Variants in APC2 observed in about 807,000 individuals in gnomAD.
The protein encoded by APC2 is APC regulator of Wnt signaling pathway 2, also known as adenomatous polyposis coli protein 2.
Under a neutral mutation model 72.5 loss-of-function variants are expected in APC2, and 41 were observed. The ratio of observed to expected loss-of-function variants is 0.57; its 90% confidence interval spans 0.44 to 0.73. The LOEUF (loss-of-function observed/expected upper bound fraction) is 0.73, where lower values mean the gene tolerates loss of function less well. APC2 is among the 30% of genes least tolerant of loss of function. APC2 has a pLI of 0.00. For missense variants in APC2, 3,729 were observed against 3,403.4 expected (o/e 1.10, Z -2.38); for synonymous variants, 1,898 against 1,612.0 (o/e 1.18, Z -4.25).
In APC2 at chr19:1,466,664, G is replaced by A. The variant is rs889696469; in HGVS notation, c.3363G>A (p.Ser1121=). ...DSTWRAPGAT[S]LPVAIPAPRR... ...CGTGGCGGGCGCCCGGGGCCACCTC[G>A]CTGCCCGTAGCCATTCCGGCTCCCC... is the stretch of plus-strand genomic sequence containing the variant. Residue 1121 remains serine (S), a synonymous_variant, in exon 15 of 15, where the codon TCG becomes TCA. Transcript: ENST00000590469. 6.0e-6 allele frequency: 9 copies of A among 1,497,290 alleles called. No homozygotes were observed. Among genetic ancestry groups the A allele is most frequent in the African/African-American group, 1.4e-5 (1 of 72,428 alleles). 92.8% of individuals were successfully genotyped at this position (1,497,290 alleles called of 1,614,324 possible).
intron 14 of APC2, among the ~76,000 whole-genome samples, chr19:1,464,555 C>A (rs2083974973): frequency 6.6e-6 from 1 of 151,030 alleles, no homozygotes; most frequent in South Asian, 2.1e-4. Context: ...AACTTTCTCT[C>A]AGAAAAGATA....
Position 1,452,985 on chromosome 19 carries a change from C to T in APC2, c.-17C>T, listed in dbSNP as rs372968262. 21 of 1,610,386 alleles carry T rather than the reference C, an allele frequency of 1.3e-5. No homozygotes were observed. Among genetic ancestry groups the T allele is most frequent in the East Asian group, 4.5e-5 (2 of 44,884 alleles). On this transcript the variant is annotated splice_region_variant and 5_prime_UTR_variant, in exon 2 of 15. The change creates a new upstream start codon in the 5' untranslated region. Coordinates refer to ENST00000590469, the MANE Select transcript of APC2 (RefSeq NM_005883.3). This position sits in a 1 kb window ranked among gnomAD's most constrained non-coding sequence, Gnocchi z 5.1. ...AACCCTCTGACCCTGTGATCCCAGACGCTGCAGGAGCTGAAGATGGCGAGC... is the reference window on the plus strand; with the variant it reads ...AACCCTCTGACCCTGTGATCCCAGATGCTGCAGGAGCTGAAGATGGCGAGC...
chr19:1,456,294 C>T lies in APC2; in HGVS notation c.718-12C>T, dbSNP rs1375705399. On this transcript the variant is annotated splice_polypyrimidine_tract_variant and intron_variant, in intron 7 of 14. Coordinates refer to ENST00000590469, the MANE Select transcript of APC2 (RefSeq NM_005883.3). Reference sequence around the variant, plus strand: ...TGGGACTGTACCCCCGACCCTGGTGCTCTCCCTGCAGGCCTTGCTGGCGGT... The same window carrying T: ...TGGGACTGTACCCCCGACCCTGGTGTTCTCCCTGCAGGCCTTGCTGGCGGT... The T allele has an allele frequency of 3.1e-6, 5 of 1,602,942 alleles. No homozygotes were observed. Among genetic ancestry groups the T allele is most frequent in the East Asian group, 2.3e-5 (1 of 44,292 alleles).
rs1200060782 is a variant in APC2, at chr19:1,467,351, C to T, written c.4050C>T (p.Ala1350=). ...LELLRECLGA[A]VPARLRKVAS... Reference sequence around the variant, plus strand: ...TGCTGCGGGAGTGCCTGGGAGCCGCCGTGCCTGCCCGGCTGCGCAAGGTGG... The same window carrying T: ...TGCTGCGGGAGTGCCTGGGAGCCGCTGTGCCTGCCCGGCTGCGCAAGGTGG... Residue 1350 remains alanine, a synonymous_variant, in exon 15 of 15, where the codon GCC becomes GCT. Transcript: ENST00000590469. 6 of 1,457,138 alleles carry T rather than the reference C, an allele frequency of 4.1e-6. No individual in the cohort carries two copies. Among genetic ancestry groups the T allele is most frequent in the Middle Eastern group, 2.4e-4 (1 of 4,214 alleles). The allele number at this position is 1,457,138 out of a possible 1,614,324, so 90.3% of individuals were successfully genotyped here.
At position 1,467,644 on chromosome 19, in the gene APC2, C is replaced by A; in HGVS notation, c.4343C>A (p.Ala1448Asp). Residue 1448 changes from alanine (A) to aspartate (D), a missense_variant, in exon 15 of 15, where the codon GCC (alanine) becomes GAC (aspartate). Ala to Asp is a moderately radical substitution (Grantham distance 126). Coordinates refer to ENST00000590469, the MANE Select transcript of APC2 (RefSeq NM_005883.3). Reference protein sequence around the residue: ...AMGHRHKAGGAGRSAEQSRGA... With the variant: ...AMGHRHKAGGDGRSAEQSRGA... ...GGGCACCGGCACAAGGCGGGAGGCG[C>A]CGGCCGCAGCGCGGAGCAGTCTCGG... 6.8e-7 allele frequency: 1 copy of A among 1,481,316 alleles called. No homozygotes were observed. Among genetic ancestry groups the A allele is most frequent in the Non-Finnish European group, 8.9e-7 (1 of 1,123,590 alleles). 91.8% of individuals were successfully genotyped at this position (1,481,316 alleles called of 1,614,324 possible).
upstream of APC2, among the ~76,000 whole-genome samples, chr19:1,449,446 G>A (rs2083717179): frequency 6.6e-6 from 1 of 152,210 alleles, no homozygotes; most frequent in South Asian, 2.1e-4. Context: ...GGTGAATTAA[G>A]TGTGCCACCC....
rs959642884 is a variant in APC2 at position 1,465,745 on chromosome 19, C to T, written c.2444C>T (p.Ala815Val). The T allele has an allele frequency of 2.0e-6, 3 of 1,538,092 alleles. No homozygotes were observed. The highest frequency in any genetic ancestry group is 2.4e-5 in the East Asian group (1 of 41,362). ...FLGSPFLQGQALARTPPTRRG... is the reference protein window; with the variant it reads ...FLGSPFLQGQVLARTPPTRRG... ...GGCAGCCCCTTCCTGCAGGGGCAGG[C>T]GCTGGCTCGCACCCCGCCCACCCGC... Residue 815 changes from alanine (A) to valine (V), a missense_variant, in exon 15 of 15, where the codon GCG becomes GTG. Coordinates refer to ENST00000590469, the MANE Select transcript of APC2 (RefSeq NM_005883.3).
chr19:1,469,838 C>G lies in APC2; in HGVS notation c.6537C>G (p.Ala2179=), dbSNP rs574035458. 4.8e-5 allele frequency: 73 copies of G among 1,520,390 alleles called. 1 individual carries two copies. The East Asian group carries it at 1.2e-3, about 25-fold the overall frequency. The allele number at this position is 1,520,390 out of a possible 1,614,324, so 94.2% of individuals were successfully genotyped here. A position where few individuals can be genotyped will look rare whatever the true frequency, so the allele number is the denominator to read the frequency against. ...LRGSTPEDAP[A]GPPPRKTSDA... Reference sequence around the variant, plus strand: ...GCTCCACGCCCGAGGACGCCCCGGCCGGGCCCCCGCCGCGCAAGACCAGCG... The same window carrying G: ...GCTCCACGCCCGAGGACGCCCCGGCGGGGCCCCCGCCGCGCAAGACCAGCG... The change falls in exon 15 of 15, where the codon GCC becomes GCG. Residue 2179 remains alanine (A), a synonymous_variant. Coordinates refer to ENST00000590469, the MANE Select transcript of APC2 (RefSeq NM_005883.3).
chr19:1,469,025 GC>G lies in APC2; in HGVS notation c.5727del (p.Thr1911ArgfsTer85). 1 of 1,545,736 alleles carries G rather than the reference GC, an allele frequency of 6.5e-7. No individual in the cohort carries two copies. On this transcript the variant is annotated frameshift_variant, in exon 15 of 15. Transcript: ENST00000590469. LOFTEE classifies it low-confidence loss of function (END_TRUNC). The stretch of plus-strand genomic sequence containing the variant: ...TGCCCGGCCCCGGAGCCTCCCCGGT[GC>G]CCAAAACGCCGGCGCGCACCCTTCT... Reference protein sequence around the residue: ...ALPGPGASPVPKTPARTLLAK... With the variant: ...ALPGPGASPVXKTPARTLLAK...
In APC2 at chr19:1,466,136, CCCGCTGG is replaced by C. The variant is rs1599155642; in HGVS notation, c.2840_2846del (p.Leu947HisfsTer88). 1 of 1,564,962 alleles carries C rather than the reference CCCGCTGG, an allele frequency of 6.4e-7. No individual in the cohort carries two copies. The highest frequency in any genetic ancestry group is 8.6e-7 in the Non-Finnish European group (1 of 1,165,994). ...GCCCACGCGAACATATGCTGCCCTG[CCCGCTGG>C]CCGCACTGGCTTCGCGCCGCGAGGA... is the stretch of plus-strand genomic sequence containing the variant. On this transcript the variant is annotated frameshift_variant, in exon 15 of 15. Coordinates refer to ENST00000590469, the MANE Select transcript of APC2 (RefSeq NM_005883.3). LOFTEE classifies it low-confidence loss of function (END_TRUNC).
intron 2 of APC2, 46 bp downstream of exon 2, chr19:1,453,188 C>T (rs1033810573): frequency 6.4e-7 from 1 of 1,569,412 alleles, no homozygotes; most frequent in Non-Finnish European, 8.6e-7. Context: ...CGGGGTGGTG[C>T]CCCCCGGCAG....
rs752419369 is a variant in APC2 at position 1,467,904 on chromosome 19, C to T, written c.4603C>T (p.Arg1535Cys). 103 of 1,583,220 alleles carry T rather than the reference C, an allele frequency of 6.5e-5. No homozygotes were observed. The highest frequency in any genetic ancestry group is 8.6e-5 in the Non-Finnish European group (101 of 1,173,210). The change falls in exon 15 of 15, where the codon CGC (arginine) becomes TGC (cysteine). Residue 1535 changes from arginine to cysteine, a missense_variant. Physicochemically the swap from Arg to Cys is radical, Grantham distance 180 (BLOSUM62 -3). Coordinates refer to ENST00000590469, the MANE Select transcript of APC2 (RefSeq NM_005883.3). The stretch of plus-strand genomic sequence containing the variant: ...CCACCGGCGCACATCGGCCATCCCT[C>T]GCGCTTTTACGCGGGAGCGTCCGCA... ...PTHRRTSAIP[R>C]AFTRERPQGR...
Position 1,453,504 on chromosome 19 carries a change from C to T in APC2, c.306C>T (p.Ala102=), listed in dbSNP as rs760410985. ...QPPTLGPEPA[A]RTPEGSPVHG... ...CCACCCTGGGCCCGGAGCCTGCCGC[C>T]CGGACCCCCGAGGGCAGCCCAGTAC... Residue 102 remains alanine, a synonymous_variant, in exon 4 of 15, where the codon GCC becomes GCT. Transcript: ENST00000590469. 6.2e-6 allele frequency: 10 copies of T among 1,607,926 alleles called. No individual in the cohort carries two copies. The East Asian group carries it at 1.8e-4, about 29-fold the overall frequency.
chr19:1,472,618 TCAC>T lies in APC2; in HGVS notation c.*2406_*2408del, dbSNP rs1422717404. The T allele has an allele frequency of 8.5e-6, 1 of 117,136 alleles. No individual in the cohort carries two copies. Among genetic ancestry groups the T allele is most frequent in the African/African-American group, 3.3e-5 (1 of 30,356 alleles). 7.3% of individuals were successfully genotyped at this position (117,136 alleles called of 1,614,324 possible). A position where few individuals can be genotyped will look rare whatever the true frequency, so the allele number is the denominator to read the frequency against. Reference sequence around the variant, plus strand: ...CCCACCCCCACCCCGAGTCCTGAGCTCACTTTCGCCTTCTCCATCCCCTGCCGT... The same window carrying T: ...CCCACCCCCACCCCGAGTCCTGAGCTTTTCGCCTTCTCCATCCCCTGCCGT... On this transcript the variant is annotated 3_prime_UTR_variant, in exon 15 of 15. Transcript: ENST00000590469.
chr19:1,449,559 C>T (rs2083718213), upstream of APC2, among the ~76,000 whole-genome samples: 2 of 152,180 alleles, frequency 1.3e-5, no homozygotes, highest in South Asian at 4.1e-4. Context: ...ACAGGAGGAT[C>T]TGACGCTCCG....
At position 1,469,400 on chromosome 19, in the gene APC2, G is replaced by C; in HGVS notation, c.6099G>C (p.Leu2033=). ...GASPRRGRPA[L]PAVFLCSSRC... is the part of the protein sequence containing the mutation. ...CGCCCCGCCGCGGCCGGCCCGCGCT[G>C]CCCGCCGTCTTCCTCTGCTCCTCGC... Residue 2033 remains leucine (L), a synonymous_variant, in exon 15 of 15, where the codon CTG becomes CTC. Coordinates refer to ENST00000590469, the MANE Select transcript of APC2 (RefSeq NM_005883.3). 6 of 1,210,354 alleles carry C rather than the reference G, an allele frequency of 5.0e-6. No homozygotes were observed. Among genetic ancestry groups the C allele is most frequent in the Non-Finnish European group, 6.2e-6 (6 of 974,602 alleles). The allele number at this position is 1,210,354 out of a possible 1,614,324, so 75.0% of individuals were successfully genotyped here.
rs554305165 is a variant in APC2, at chr19:1,467,309, G to A, written c.4008G>A (p.Ala1336=). The A allele has an allele frequency of 5.3e-6, 7 of 1,330,600 alleles. No individual in the cohort carries two copies. The South Asian group carries it at 1.2e-4, about 23-fold the overall frequency. The allele number at this position is 1,330,600 out of a possible 1,614,324, so 82.4% of individuals were successfully genotyped here. The change falls in exon 15 of 15, where the codon GCG becomes GCA. Residue 1336 remains alanine, a synonymous_variant. Transcript: ENST00000590469. ...CGGGTTCTCGCCCTCGCGGCGCCGC[G>A]GACCAGGAGCTGGAACTGCTGCGGG... ...APTGSRPRGA[A]DQELELLREC... is the part of the protein sequence containing the mutation.
chr19:1,464,385 A>G (rs1176354929), intron 14 of APC2, among the ~76,000 whole-genome samples: 2 of 151,768 alleles, frequency 1.3e-5, no homozygotes, highest in Non-Finnish European at 2.9e-5. Context: ...CATGTTATTT[A>G]TGAAAACACA....
intron 14 of APC2, 66 bp from the exon 15 acceptor site, chr19:1,465,086 GCCC>G (rs913960351): frequency 1.3e-6 from 2 of 1,516,948 alleles, no homozygotes; most frequent in African/African-American, 1.4e-5. Context: ...GCCACATCTG[GCCC>G]CCCCATCCTT....
Sources: gnomAD v4.1 joint callset for allele counts (sites outside exome capture counted in the v4.1 genomes callset) on GRCh38, gnomAD v4.1.1 for gene constraint, Gnocchi (gnomAD v3.1) non-coding constraint, MANE v1.5 for transcripts, NCBI Gene and HGNC (gene_info 2026-07-23, HGNC 2026-07-21) for gene names.